Variants in INO80 observed in about 807,000 individuals in gnomAD.
The protein encoded by INO80 is chromatin-remodeling ATPase INO80.
INO80 carries 20 observed loss-of-function variants against 203.4 expected under a neutral mutation model. The observed-to-expected ratio is 0.10, with a 90% CI of 0.07 to 0.14. INO80 has a LOEUF of 0.14. Ranked by LOEUF, INO80 falls within the 10% of genes least tolerant of loss-of-function variation. The probability of loss-of-function intolerance (pLI) is 1.00; values close to 1 mark genes in which losing one functional copy is unlikely to be tolerated. For missense variants in INO80, 1,419 were observed against 1,914.4 expected, an observed-to-expected ratio of 0.74 and a Z score of 4.83; for synonymous variants, 726 against 685.2, an observed-to-expected ratio of 1.06 and a Z score of -0.93.
intron 7 of INO80, among the ~76,000 whole-genome samples, chr15:41,084,899 G>C (rs1174281258): frequency 1.3e-5 from 2 of 152,144 alleles, no homozygotes; most frequent in African/African-American, 4.8e-5. Flanking sequence ...GCTACGCCCA[G>C]TTCATTTTTG....
intron 14 of INO80, among the ~76,000 whole-genome samples, chr15:41,067,189 G>A (rs926673425): frequency 7.2e-5 from 11 of 152,118 alleles, no homozygotes; most frequent in Non-Finnish European, 1.2e-4. Flanking sequence ...CAATTTTCCT[G>A]CCTCAGCCTC....
Position 41,031,912 on chromosome 15 carries a change from C to CCACAGCACAGCACAG in INO80, c.2908-4191_2908-4177dup, listed in dbSNP as rs1240339775. ...AGGCTCCATAGCTGCATACTCCTTG[C>CCACAGCACAGCACAG]CACAGCACAGCACAGCACAGCACAG... On this transcript the variant is annotated intron_variant, in intron 24 of 35. Coordinates refer to ENST00000648947, the MANE Select transcript of INO80 (RefSeq NM_017553.3). 8.6e-5 allele frequency among the ~76,000 whole-genome samples: 11 copies of CCACAGCACAGCACAG among 128,380 alleles called. 3 individuals are homozygous for CCACAGCACAGCACAG. Among genetic ancestry groups the CCACAGCACAGCACAG allele is most frequent in the Admixed American group, 1.6e-4 (2 of 12,720 alleles). 84.2% of individuals were successfully genotyped at this position (128,380 alleles called of 152,430 possible). A position where few individuals can be genotyped will look rare whatever the true frequency, so the allele number is the denominator to read the frequency against.
At chr15:41,097,206 C>T (rs556828851) in intron 1 of INO80, among the ~76,000 whole-genome samples, 48 of 151,336 alleles carry the variant, frequency 3.2e-4, no homozygotes, top group African/African-American at 1.1e-3. Context: ...CCACCACGCC[C>T]AGCTGATTTT....
chr15:41,067,411 T>C lies in INO80; in HGVS notation c.1782+2159A>G, dbSNP rs771320265. 8.5e-5 allele frequency among the ~76,000 whole-genome samples: 13 copies of C among 152,134 alleles called. No homozygotes were observed. The East Asian group carries it at 2.3e-3, about 27-fold the overall frequency. Reference sequence around the variant, plus strand: ...TTTTCAAGATCTGCATTGTTCAATATATACTGAACATCATATGAAAAAAAA... The same window carrying C: ...TTTTCAAGATCTGCATTGTTCAATACATACTGAACATCATATGAAAAAAAA... On this transcript the variant is annotated intron_variant, in intron 14 of 35. Transcript: ENST00000648947.
intron 24 of INO80, among the ~76,000 whole-genome samples, chr15:41,032,654 C>A (rs1289602998): frequency 6.6e-6 from 1 of 152,166 alleles, no homozygotes; most frequent in Non-Finnish European, 1.5e-5. Flanking sequence ...CAAAACAACT[C>A]TATGTTTAGA....
rs905061249 is a variant in INO80, at chr15:40,999,331, T to A, written c.3498-1730A>T. 3 of 152,318 alleles carry A rather than the reference T, an allele frequency of 2.0e-5. No individual in the cohort carries two copies. The East Asian group carries it at 5.8e-4, about 29-fold the overall frequency. The allele number at this position is 152,318 out of a possible 1,614,324, so 9.4% of individuals were successfully genotyped here. ...ACAGTCTGTTTCCTGGACTATAAAA[T>A]GAAGATGCTATGAATACTGCTGAAG... On this transcript the variant is annotated intron_variant, in intron 28 of 35. Coordinates refer to ENST00000648947, the MANE Select transcript of INO80 (RefSeq NM_017553.3).
At chr15:41,038,396 C>T (rs1436057943) in intron 24 of INO80, among the ~76,000 whole-genome samples, 1 of 151,924 alleles carries the variant, frequency 6.6e-6, no homozygotes, top group East Asian at 1.9e-4. Context: ...TCCTGAAATA[C>T]CTTACTTTTT....
intron 27 of INO80, among the ~76,000 whole-genome samples, chr15:41,015,868 A>G (rs2044197254): frequency 6.7e-6 from 1 of 149,758 alleles, no homozygotes; most frequent in Admixed American, 6.7e-5. Context: ...AATTCCTTGA[A>G]CCTGGAAGGC....
At chr15:40,985,528 G>A (rs2043718337) in intron 31 of INO80, 102 bp from the exon 32 acceptor site, 2 of 869,782 alleles carry the variant, frequency 2.3e-6, no homozygotes, top group Non-Finnish European at 3.9e-6. Flanking sequence ...TATTTTCCAA[G>A]TATCACTTCT....
At chr15:41,019,823 G>A (rs1241627508) in intron 26 of INO80, among the ~76,000 whole-genome samples, 1 of 152,188 alleles carries the variant, frequency 6.6e-6, no homozygotes, top group Non-Finnish European at 1.5e-5. Context: ...AAAATAAAGT[G>A]GAAAAACCAG....
intron 14 of INO80, among the ~76,000 whole-genome samples, chr15:41,063,180 T>C (rs1442123131): frequency 6.6e-6 from 1 of 151,428 alleles, no homozygotes; most frequent in Non-Finnish European, 1.5e-5. Context: ...CTAGTAAAAA[T>C]ACCAAAATTA....
At chr15:41,013,709 C>T (rs888464874) in intron 27 of INO80, among the ~76,000 whole-genome samples, 15 of 151,966 alleles carry the variant, frequency 9.9e-5, no homozygotes, top group Admixed American at 9.2e-4. Flanking sequence ...AAAGGAAGAA[C>T]CATTAGTGTA....
intron 31 of INO80, among the ~76,000 whole-genome samples, chr15:40,985,639 G>C (rs2043721478): frequency 6.6e-6 from 1 of 152,126 alleles, no homozygotes. Context: ...GCTCGGTGTG[G>C]TGACTCACGT....
intron 28 of INO80, among the ~76,000 whole-genome samples, chr15:41,001,840 T>C (rs2043963393): frequency 1.3e-5 from 2 of 152,216 alleles, no homozygotes; most frequent in African/African-American, 4.8e-5. Flanking sequence ...GGCTTTCCAG[T>C]TGAAACTGCA....
At chr15:41,089,653 G>C (rs2045606220) in intron 5 of INO80, among the ~76,000 whole-genome samples, 1 of 151,952 alleles carries the variant, frequency 6.6e-6, no homozygotes, top group South Asian at 2.1e-4. Flanking sequence ...TGAGGCAGGA[G>C]TACTGCTTGA....
chr15:41,111,312 G>T (rs1422279370), intron 1 of INO80, among the ~76,000 whole-genome samples: 1 of 152,136 alleles, frequency 6.6e-6, no homozygotes, highest in Non-Finnish European at 1.5e-5. Context: ...TGGGTGTGGT[G>T]GCACATGCCT....
chr15:41,035,763 A>G (rs1314809028), intron 24 of INO80, among the ~76,000 whole-genome samples: 2 of 126,098 alleles, frequency 1.6e-5, no homozygotes, highest in Non-Finnish European at 3.2e-5. Context: ...CGGAGGTTGC[A>G]GTGAGCCGAG....
chr15:41,036,156 GAAAAAAAAA>G lies in INO80; in HGVS notation c.2908-8429_2908-8421del, dbSNP rs369185302. ...GGGCAACAGAGTGCAACTCTCTCTC[GAAAAAAAAA>G]AAAAAAAAAAAAAAAAAAAACCCAA... is the stretch of plus-strand genomic sequence containing the variant. On this transcript the variant is annotated intron_variant, in intron 24 of 35. Transcript: ENST00000648947. Among the ~76,000 whole-genome samples the G allele has an allele frequency of 6.5e-4, 21 of 32,142 alleles. No homozygotes were observed. The East Asian group carries it at 0.013, about 19-fold the overall frequency. The allele number at this position is 32,142 out of a possible 152,430, so 21.1% of individuals were successfully genotyped here. A position where few individuals can be genotyped will look rare whatever the true frequency, so the allele number is the denominator to read the frequency against.
At chr15:41,008,713 T>C (rs902675494) in intron 27 of INO80, among the ~76,000 whole-genome samples, 10 of 152,214 alleles carry the variant, frequency 6.6e-5, no homozygotes, top group African/African-American at 2.4e-4. Context: ...GCAAGGCAGT[T>C]TCCCTTTGAA....
Sources: gnomAD v4.1 joint callset for allele counts (sites outside exome capture counted in the v4.1 genomes callset) on GRCh38, gnomAD v4.1.1 for gene constraint, MANE v1.5 for transcripts, NCBI Gene and HGNC (gene_info 2026-07-23, HGNC 2026-07-21) for gene names.